CHD1: variants seen among roughly 807,000 people sequenced by gnomAD.
CHD1 encodes ATP-dependent chromatin remodeler CHD1.
Under a neutral mutation model 224.2 loss-of-function variants are expected in CHD1, and 36 were observed. That is an observed-to-expected ratio of 0.16 (90% CI 0.12 to 0.21). CHD1 has a LOEUF of 0.21. Among genes scored for constraint, CHD1 ranks in the 10% least tolerant of loss-of-function variants. The pLI, the probability that CHD1 is intolerant of heterozygous loss-of-function variation, is 1.00. For synonymous variants in CHD1, 668 were observed against 658.3 expected (o/e 1.01, Z -0.23); for missense variants, 1,378 against 1,994.8 (o/e 0.69, Z 5.89).
In CHD1 at chr5:98,863,348, A is replaced by C. The variant is rs556246355; in HGVS notation, c.4427+60T>G. On this transcript the variant is annotated intron_variant, in intron 32 of 35. Transcript: ENST00000614616. Reference sequence around the variant, plus strand: ...CTTCAGAATCAGGAAAGAAAACAAAAAAAAAAAAAGACAGTTATATAATAT... The same window carrying C: ...CTTCAGAATCAGGAAAGAAAACAAACAAAAAAAAAGACAGTTATATAATAT... The C allele has an allele frequency of 5.5e-3, 5,668 of 1,025,596 alleles. 38 individuals are homozygous for C. Among genetic ancestry groups the C allele is most frequent in the South Asian group, 8.4e-3 (337 of 39,918 alleles). 63.5% of individuals were successfully genotyped at this position (1,025,596 alleles called of 1,614,324 possible).
intron 31 of CHD1, 62 bp downstream of exon 31, chr5:98,868,433 G>T: frequency 8.7e-6 from 12 of 1,371,794 alleles, no homozygotes; most frequent in East Asian, 5.9e-5. Flanking sequence ...TGCTATAAAT[G>T]ACAAACTTCA....
intron 25 of CHD1, among the ~76,000 whole-genome samples, chr5:98,874,716 G>GA (rs796803169): frequency 0.016 from 2,027 of 124,898 alleles, 45 homozygotes; most frequent in African/African-American, 0.051. Flanking sequence ...CATTTAAAAA[G>GA]AAAAAAAAAA....
At chr5:98,875,859 C>T (rs989706026) in intron 24 of CHD1, among the ~76,000 whole-genome samples, 2 of 152,094 alleles carry the variant, frequency 1.3e-5, no homozygotes, top group African/African-American at 4.8e-5. Flanking sequence ...GCTGTTATCC[C>T]ATTCCTCTTA....
At chr5:98,900,587 GCAC>G (rs933515477) in intron 7 of CHD1, among the ~76,000 whole-genome samples, 6 of 151,712 alleles carry the variant, frequency 4.0e-5, no homozygotes, top group Admixed American at 2.6e-4. Context: ...CTACAGGTGC[GCAC>G]CACCTCACCT....
At chr5:98,910,663 T>TCAC (rs1752330347) in intron 2 of CHD1, among the ~76,000 whole-genome samples, 2 of 152,168 alleles carry the variant, frequency 1.3e-5, no homozygotes, top group Non-Finnish European at 2.9e-5. Context: ...TAAGAATGTT[T>TCAC]ATATTCCCCT....
chr5:98,873,699 A>G lies in CHD1; in HGVS notation c.3465T>C (p.Ala1155=). ...LERLDAIARD[A]ELVDKSETDL... The stretch of plus-strand genomic sequence containing the variant: ...CTGTTTCTGACTTATCAACTAACTC[A>G]GCATCTCGAGCAATTGCATCTAATC... The change falls in exon 26 of 36, where the codon GCT becomes GCC. Residue 1155 remains alanine (A), a synonymous_variant. Transcript: ENST00000614616. 1 of 1,610,118 alleles carries G rather than the reference A, an allele frequency of 6.2e-7. No individual in the cohort carries two copies. Among genetic ancestry groups the G allele is most frequent in the African/African-American group, 1.3e-5 (1 of 74,872 alleles).
Position 98,854,588 on chromosome 5 carries a change from T to C in CHD1, c.*1792A>G, listed in dbSNP as rs932113679. ...AGCTACTCCCTCACATGTTCTCTCATATACCAGAAAAGAAACAAAGCATTA... is the reference window on the plus strand; with the variant it reads ...AGCTACTCCCTCACATGTTCTCTCACATACCAGAAAAGAAACAAAGCATTA... On this transcript the variant is annotated 3_prime_UTR_variant, in exon 36 of 36. Transcript: ENST00000614616. 4.6e-5 allele frequency: 7 copies of C among 152,066 alleles called. No homozygotes were observed. The highest frequency in any genetic ancestry group is 3.2e-3 in the Middle Eastern group (1 of 316). The allele number at this position is 152,066 out of a possible 1,614,324, so 9.4% of individuals were successfully genotyped here. A position where few individuals can be genotyped will look rare whatever the true frequency, so the allele number is the denominator to read the frequency against.
chr5:98,878,521 T>G (rs1580401743), intron 23 of CHD1, among the ~76,000 whole-genome samples: 1 of 152,226 alleles, frequency 6.6e-6, no homozygotes, highest in East Asian at 1.9e-4. Flanking sequence ...GAAAAAGAAA[T>G]TAGTCTTAGA....
chr5:98,912,861 C>T (rs989643526), intron 2 of CHD1, among the ~76,000 whole-genome samples: 3 of 152,116 alleles, frequency 2.0e-5, no homozygotes, highest in Non-Finnish European at 4.4e-5. Flanking sequence ...CATTTATTTA[C>T]TTCTGTCCTT....
At chr5:98,857,374 A>AAATATATACTATAAATCT (rs1748116255) in intron 35 of CHD1, among the ~76,000 whole-genome samples, 1 of 152,130 alleles carries the variant, frequency 6.6e-6, no homozygotes, top group Non-Finnish European at 1.5e-5. Context: ...TAAGCCTGTG[A>AAATATATACTATAAATCT]AATATATACT....
In CHD1 at chr5:98,928,647, G is replaced by C. The variant is rs540040936; in HGVS notation, c.-257C>G. On this transcript the variant is annotated 5_prime_UTR_variant, in exon 1 of 36. Transcript: ENST00000614616. ...CTAGGGCTCCGGCGTCTCGGGGTAA[G>C]CAAGAGTCCGTGCGGGGGAGGGGGA... The C allele has an allele frequency of 6.6e-6, 1 of 152,574 alleles. No homozygotes were observed. Among genetic ancestry groups the C allele is most frequent in the Non-Finnish European group, 1.5e-5 (1 of 68,292 alleles). 9.5% of individuals were successfully genotyped at this position (152,574 alleles called of 1,614,324 possible).
chr5:98,897,684 A>C (rs1751430798), intron 10 of CHD1, among the ~76,000 whole-genome samples: 1 of 152,202 alleles, frequency 6.6e-6, no homozygotes, highest in African/African-American at 2.4e-5. Flanking sequence ...TCAATTTCTG[A>C]ATTCCAAGTT....
At chr5:98,918,107 G>C (rs1369735191) in intron 2 of CHD1, among the ~76,000 whole-genome samples, 1 of 150,700 alleles carries the variant, frequency 6.6e-6, no homozygotes, top group Non-Finnish European at 1.5e-5. Flanking sequence ...GCCCAGGCTG[G>C]AGTGCCGTGG....
chr5:98,902,782 T>C (rs555886136), intron 5 of CHD1, 118 bp downstream of exon 5: 2 of 583,702 alleles, frequency 3.4e-6, no homozygotes, highest in Non-Finnish European at 6.0e-6. Flanking sequence ...CTTCATAAAA[T>C]GCCATGAACT....
At chr5:98,902,809 C>T (rs529421360) in intron 5 of CHD1, 91 bp downstream of exon 5, 384 of 728,790 alleles carry the variant, frequency 5.3e-4, no homozygotes, top group Non-Finnish European at 8.0e-4. Flanking sequence ...TTAGAAGAGT[C>T]TCCTTTTGGC....
intron 32 of CHD1, chr5:98,860,283 T>C (rs768686941): frequency 3.9e-6 from 2 of 507,986 alleles, no homozygotes; most frequent in South Asian, 3.4e-5. Flanking sequence ...TTTACTTCTC[T>C]TCCAAATCGC....
At chr5:98,861,014 C>A (rs1356660673) in intron 32 of CHD1, among the ~76,000 whole-genome samples, 1 of 151,970 alleles carries the variant, frequency 6.6e-6, no homozygotes, top group Non-Finnish European at 1.5e-5. Context: ...AATATATTTT[C>A]CCCCCAAAAA....
chr5:98,902,801 A>T, intron 5 of CHD1, 99 bp downstream of exon 5: 1 of 668,210 alleles, frequency 1.5e-6, no homozygotes, highest in Non-Finnish European at 2.5e-6. Flanking sequence ...CTAAGAATTT[A>T]GAAGAGTCTC....
Position 98,854,576 on chromosome 5 carries a change from C to A in CHD1, c.*1804G>T, listed in dbSNP as rs1227785671. On this transcript the variant is annotated 3_prime_UTR_variant, in exon 36 of 36. Coordinates refer to ENST00000614616, the MANE Select transcript of CHD1 (RefSeq NM_001270.4). The stretch of plus-strand genomic sequence containing the variant: ...TTTAAAAAACTGAGCTACTCCCTCA[C>A]ATGTTCTCTCATATACCAGAAAAGA... 6.6e-6 allele frequency: 1 copy of A among 152,128 alleles called. No individual in the cohort carries two copies. The highest frequency in any genetic ancestry group is 1.5e-5 in the Non-Finnish European group (1 of 67,992). 9.4% of individuals were successfully genotyped at this position (152,128 alleles called of 1,614,324 possible). A position where few individuals can be genotyped will look rare whatever the true frequency, so the allele number is the denominator to read the frequency against.
Sources: allele counts gnomAD v4.1 joint callset (sites outside exome capture counted in the v4.1 genomes callset), GRCh38; gene constraint gnomAD v4.1.1; transcripts MANE v1.5; gene names NCBI Gene and HGNC (gene_info 2026-07-23, HGNC 2026-07-21).